The following DGKB variants were observed in gnomAD, a reference collection of about 807,000 sequenced individuals.
DGKB encodes the protein 90 kDa diacylglycerol kinase.
DGKB carries 67 observed loss-of-function variants against 114.3 expected under a neutral mutation model. The observed-to-expected ratio is 0.59, with a 90% CI of 0.48 to 0.72. The LOEUF (loss-of-function observed/expected upper bound fraction) is 0.72, where lower values mean the gene tolerates loss of function less well. Ranked by LOEUF, DGKB falls within the 30% of genes least tolerant of loss-of-function variation. The pLI, the probability that DGKB is intolerant of heterozygous loss-of-function variation, is 0.00. For missense variants in DGKB, 907 were observed against 975.2 expected, an observed-to-expected ratio of 0.93 and a Z score of 0.93; for synonymous variants, 398 against 323.1, an observed-to-expected ratio of 1.23 and a Z score of -2.49.
intron 1 of DGKB, among the ~76,000 whole-genome samples, chr7:14,868,532 C>T (rs1485805334): frequency 1.3e-5 from 2 of 151,960 alleles, no homozygotes; most frequent in African/African-American, 4.8e-5. Context: ...GATGGGGTTT[C>T]ACCATGTTGG....
chr7:14,583,278 T>A (rs1466087781), intron 17 of DGKB, 141 bp from the exon 18 acceptor site: 2 of 492,914 alleles, frequency 4.1e-6, no homozygotes, highest in Non-Finnish European at 7.1e-6. Context: ...AACTTACATA[T>A]CCTTTAATCC....
At chr7:14,382,263 T>C (rs1369736145) in intron 21 of DGKB, among the ~76,000 whole-genome samples, 1 of 151,730 alleles carries the variant, frequency 6.6e-6, no homozygotes, top group Non-Finnish European at 1.5e-5. Context: ...AGCCCAGCCC[T>C]TGTGCACAGA....
intron 23 of DGKB, among the ~76,000 whole-genome samples, chr7:14,229,073 G>T (rs1791296762): frequency 6.6e-6 from 1 of 151,796 alleles, no homozygotes; most frequent in African/African-American, 2.4e-5. Context: ...TACAAAAGAA[G>T]GGCAGAACAA....
intron 21 of DGKB, among the ~76,000 whole-genome samples, chr7:14,414,234 G>A (rs955124459): frequency 1.3e-4 from 20 of 152,094 alleles, no homozygotes; most frequent in Admixed American, 5.2e-4. Context: ...GAACAAGTTC[G>A]AGATAAGTGA....
chr7:14,697,868 GGTA>G (rs1824309459), intron 8 of DGKB, among the ~76,000 whole-genome samples: 1 of 142,874 alleles, frequency 7.0e-6, no homozygotes, highest in African/African-American at 2.6e-5. Context: ...AAGGAAGGAA[GGTA>G]GGAGGGAGGG....
At chr7:14,519,638 T>G (rs1789417457) in intron 20 of DGKB, among the ~76,000 whole-genome samples, 1 of 152,044 alleles carries the variant, frequency 6.6e-6, no homozygotes, top group Non-Finnish European at 1.5e-5. Context: ...ACTTCCAAAC[T>G]GCTAAAGTAG....
chr7:14,536,436 C>T (rs367848575), intron 20 of DGKB, among the ~76,000 whole-genome samples: 25 of 152,064 alleles, frequency 1.6e-4, no homozygotes, highest in African/African-American at 5.6e-4. Flanking sequence ...AAATCAAGTT[C>T]AACAGCATAT....
chr7:14,523,728 A>G (rs1201676715), intron 20 of DGKB, among the ~76,000 whole-genome samples: 1 of 152,154 alleles, frequency 6.6e-6, no homozygotes, highest in Non-Finnish European at 1.5e-5. Context: ...AGGTATATGG[A>G]ATCAAATTGC....
At chr7:14,500,711 C>T (rs922890645) in intron 20 of DGKB, among the ~76,000 whole-genome samples, 6 of 151,510 alleles carry the variant, frequency 4.0e-5, no homozygotes, top group East Asian at 3.9e-4. Flanking sequence ...AAATTGGATT[C>T]GGTACTAGGT....
intron 2 of DGKB, among the ~76,000 whole-genome samples, chr7:14,762,610 T>C (rs1421186294): frequency 6.6e-6 from 1 of 152,138 alleles, no homozygotes. Context: ...TCCTCTCACA[T>C]CTCTTTAGGC....
chr7:14,170,075 G>A (rs535222421), intron 25 of DGKB, among the ~76,000 whole-genome samples: 18 of 148,742 alleles, frequency 1.2e-4, no homozygotes, highest in Admixed American at 4.1e-4. Flanking sequence ...TGGATGTTGC[G>A]GTGAGCCGAG....
At position 14,522,981 on chromosome 7, in the gene DGKB, C is replaced by A. The variant is rs191002443; in HGVS notation, c.1771-44756G>T. On this transcript the variant is annotated intron_variant, in intron 20 of 25. Transcript: ENST00000402815. ...ATGACCAAGTTGAATGTAAACCCAA[C>A]TTTTTGATTAACAGTCCCATATTAT... is the stretch of plus-strand genomic sequence containing the variant. 8.5e-5 allele frequency among the ~76,000 whole-genome samples: 13 copies of A among 152,242 alleles called. No individual in the cohort carries two copies. The East Asian group carries it at 2.1e-3, about 25-fold the overall frequency.
intron 20 of DGKB, among the ~76,000 whole-genome samples, chr7:14,485,385 G>C (rs963424281): frequency 4.0e-5 from 6 of 151,254 alleles, no homozygotes; most frequent in African/African-American, 1.5e-4. Context: ...AATTTTGCCT[G>C]CTGTGAATAC....
intron 25 of DGKB, among the ~76,000 whole-genome samples, chr7:14,155,789 A>G (rs1339872501): frequency 6.6e-6 from 1 of 152,090 alleles, no homozygotes; most frequent in East Asian, 1.9e-4. Context: ...TTTTATAGAA[A>G]GAGAAGCGTT....
intron 2 of DGKB, among the ~76,000 whole-genome samples, chr7:14,781,483 C>T (rs568924709): frequency 6.6e-6 from 1 of 152,188 alleles, no homozygotes; most frequent in Non-Finnish European, 1.5e-5. Flanking sequence ...TGCCTCCCCA[C>T]AGCTCTCCTC....
Position 14,396,001 on chromosome 7 carries a change from A to G in DGKB, c.1836-50610T>C, listed in dbSNP as rs528426041. 5.9e-5 allele frequency among the ~76,000 whole-genome samples: 9 copies of G among 152,180 alleles called. No individual in the cohort carries two copies. In the East Asian group the frequency reaches 1.2e-3, roughly 20 times the overall value. On this transcript the variant is annotated intron_variant, in intron 21 of 25. Coordinates refer to ENST00000402815, the MANE Select transcript of DGKB (RefSeq NM_001350709.2). ...TGCTTTCAATATAACTTTCCTCATT[A>G]TGAGTCATCAATATATGAATTGTTT... is the stretch of plus-strand genomic sequence containing the variant.
intron 5 of DGKB, among the ~76,000 whole-genome samples, chr7:14,720,945 T>C (rs1171559370): frequency 6.6e-6 from 1 of 151,748 alleles, no homozygotes; most frequent in Non-Finnish European, 1.5e-5. Flanking sequence ...ATAAAAAACA[T>C]TTTGGCGCTG....
At chr7:14,464,563 A>G (rs17168203) in intron 21 of DGKB, among the ~76,000 whole-genome samples, 11,925 of 152,288 alleles carry the variant, frequency 0.078, 590 homozygotes, top group East Asian at 0.21. Context: ...CTGCATAGAC[A>G]TAAATGTACA....
At chr7:14,262,296 T>A (rs1796894648) in intron 23 of DGKB, among the ~76,000 whole-genome samples, 1 of 152,180 alleles carries the variant, frequency 6.6e-6, no homozygotes, top group African/African-American at 2.4e-5. Context: ...ATGTTAAATG[T>A]GATAGCATTA....
Sources: allele counts gnomAD v4.1 joint callset (sites outside exome capture counted in the v4.1 genomes callset), GRCh38; gene constraint gnomAD v4.1.1; transcripts MANE v1.5; gene names NCBI Gene and HGNC (gene_info 2026-07-23, HGNC 2026-07-21).